GFOD1: variants seen among roughly 807,000 people sequenced by gnomAD.
GFOD1 encodes the protein Gfo/Idh/MocA-like oxidoreductase domain containing 1, also known as glucose-fructose oxidoreductase domain-containing protein 1.
A neutral mutation model predicts 25.4 loss-of-function variants in GFOD1; 9 were observed. The observed-to-expected ratio is 0.35, with a 90% CI of 0.21 to 0.62. GFOD1 has a LOEUF of 0.62. Among genes scored for constraint, GFOD1 ranks in the 20% least tolerant of loss-of-function variants. The pLI, the probability that GFOD1 is intolerant of heterozygous loss-of-function variation, is 0.72. For synonymous variants in GFOD1, 253 were observed against 245.6 expected, an observed-to-expected ratio of 1.03 and a Z score of -0.28; for missense variants, 403 against 556.9, an observed-to-expected ratio of 0.72 and a Z score of 2.78.
At position 13,364,842 on chromosome 6, in the gene GFOD1, C is replaced by T. The variant is rs1785008466; in HGVS notation, c.1074G>A (p.Glu358=). 1 of 1,614,092 alleles carries T rather than the reference C, an allele frequency of 6.2e-7. No individual in the cohort carries two copies. Among genetic ancestry groups the T allele is most frequent in the Non-Finnish European group, 8.5e-7 (1 of 1,180,042 alleles). The change falls in exon 2 of 2, where the codon GAG becomes GAA. Residue 358 remains glutamate (E), a synonymous_variant. Transcript: ENST00000379287. The surrounding 1 kb of genome is among the most constrained non-coding windows in gnomAD (Gnocchi z 4.1). The stretch of plus-strand genomic sequence containing the variant: ...CGGTCATGATGGCAATGTTCTGCCA[C>T]TCGCCCGTCTGGCTGGACCTCTTGA... ...DTIKRSSQTG[E]WQNIAIMTEE...
intron 1 of GFOD1, among the ~76,000 whole-genome samples, chr6:13,433,520 T>A (rs1331375518): frequency 1.3e-5 from 2 of 152,196 alleles, no homozygotes; most frequent in Non-Finnish European, 2.9e-5. Flanking sequence ...GCTCCTCAAT[T>A]GGGACAACCA....
At position 13,361,751 on chromosome 6, in the gene GFOD1, C is replaced by T. The variant is rs893785131; in HGVS notation, c.*2992G>A. ...TCTTTTCTTTCTCTTGTTCCTTCACCTACCTACTACATGCATTTCAGTAGA... is the reference window on the plus strand; with the variant it reads ...TCTTTTCTTTCTCTTGTTCCTTCACTTACCTACTACATGCATTTCAGTAGA... On this transcript the variant is annotated 3_prime_UTR_variant, in exon 2 of 2. Transcript: ENST00000379287. The T allele has an allele frequency of 6.6e-6, 1 of 152,142 alleles. No homozygotes were observed. Among genetic ancestry groups the T allele is most frequent in the Non-Finnish European group, 1.5e-5 (1 of 68,040 alleles). 9.4% of individuals were successfully genotyped at this position (152,142 alleles called of 1,614,324 possible).
At chr6:13,391,655 T>C (rs488885) in intron 1 of GFOD1, among the ~76,000 whole-genome samples, 100,714 of 152,094 alleles carry the variant, frequency 0.66, 34,064 homozygotes, top group South Asian at 0.74. Flanking sequence ...TAGAGAATAT[T>C]GGGAAAGGAT....
chr6:13,477,713 T>C (rs2127578897), intron 1 of GFOD1, among the ~76,000 whole-genome samples: 1 of 152,304 alleles, frequency 6.6e-6, no homozygotes, highest in South Asian at 2.1e-4. Flanking sequence ...ACTGTTTTGC[T>C]ATGGTTATTA....
chr6:13,475,488 T>A (rs1338722059), intron 1 of GFOD1, among the ~76,000 whole-genome samples: 1 of 148,338 alleles, frequency 6.7e-6, no homozygotes, highest in Non-Finnish European at 1.5e-5. Flanking sequence ...GGCAGGCAGA[T>A]CACGAGGTCA....
chr6:13,372,564 G>T (rs1584609379), intron 1 of GFOD1, among the ~76,000 whole-genome samples: 1 of 152,266 alleles, frequency 6.6e-6, no homozygotes, highest in African/African-American at 2.4e-5. Flanking sequence ...TGATCCAAAT[G>T]GTACCCCTGG....
In GFOD1 at chr6:13,439,654, A is replaced by G. The variant is rs115721001; in HGVS notation, c.253+46984T>C. 1.9e-3 allele frequency among the ~76,000 whole-genome samples: 282 copies of G among 152,296 alleles called. 1 individual carries two copies. Among genetic ancestry groups the G allele is most frequent in the African/African-American group, 6.4e-3 (264 of 41,552 alleles). ...ACTATGTCCTGGCAGTGGACTAATC[A>G]CCATGCATGTATTATCTCTTTTAAT... On this transcript the variant is annotated intron_variant, in intron 1 of 1. Coordinates refer to ENST00000379287, the MANE Select transcript of GFOD1 (RefSeq NM_018988.4).
In GFOD1 at chr6:13,487,302, C is replaced by A; in HGVS notation, c.-412G>T. The A allele has an allele frequency of 5.5e-6, 1 of 182,936 alleles. No individual in the cohort carries two copies. The highest frequency in any genetic ancestry group is 1.1e-5 in the Non-Finnish European group (1 of 89,282). 11.3% of individuals were successfully genotyped at this position (182,936 alleles called of 1,614,324 possible). A position where few individuals can be genotyped will look rare whatever the true frequency, so the allele number is the denominator to read the frequency against. On this transcript the variant is annotated 5_prime_UTR_variant, in exon 1 of 2. Coordinates refer to ENST00000379287, the MANE Select transcript of GFOD1 (RefSeq NM_018988.4). This position sits in a 1 kb window ranked among gnomAD's most constrained non-coding sequence, Gnocchi z 4.9. Reference sequence around the variant, plus strand: ...CCGCGCCGCCGCAGCCCGGGACCGGCTCTCTCCCGCGTCGTTTGCGCAGCC... The same window carrying A: ...CCGCGCCGCCGCAGCCCGGGACCGGATCTCTCCCGCGTCGTTTGCGCAGCC...
At chr6:13,383,195 A>C (rs2127559115) in intron 1 of GFOD1, among the ~76,000 whole-genome samples, 2 of 152,342 alleles carry the variant, frequency 1.3e-5, no homozygotes, top group South Asian at 4.1e-4. Flanking sequence ...ACATTTATTA[A>C]GAACCTACTG....
intron 1 of GFOD1, among the ~76,000 whole-genome samples, chr6:13,432,443 T>C (rs1757765890): frequency 6.6e-6 from 1 of 152,028 alleles, no homozygotes; most frequent in Non-Finnish European, 1.5e-5. Flanking sequence ...CCTTGGCTCA[T>C]GCGATCTTCC....
chr6:13,486,259 A>ACCCCCCCCCCCCCC (rs1758867391), intron 1 of GFOD1: 2 of 89,526 alleles, frequency 2.2e-5, no homozygotes, highest in South Asian at 5.0e-4. Flanking sequence ...CCCCCCCCCC[A>ACCCCCCCCCCCCCC]CACACACACA....
chr6:13,459,661 A>T (rs1374666726), intron 1 of GFOD1, among the ~76,000 whole-genome samples: 1 of 152,172 alleles, frequency 6.6e-6, no homozygotes, highest in African/African-American at 2.4e-5. Flanking sequence ...TTATAAGAAA[A>T]AAACAACCCC....
rs140854340 is a variant in GFOD1 at position 13,447,572 on chromosome 6, T to C, written c.253+39066A>G. Among the ~76,000 whole-genome samples, 792 of 151,302 alleles carry C rather than the reference T, an allele frequency of 5.2e-3. 7 individuals are homozygous for C. Among genetic ancestry groups the C allele is most frequent in the African/African-American group, 0.018 (757 of 41,248 alleles). On this transcript the variant is annotated intron_variant, in intron 1 of 1. Transcript: ENST00000379287. ...GGTCAACATGGTGAAACCCCATCTC[T>C]ACTAAAAATACAAAAAAAGCTAGCC...
At chr6:13,389,975 C>A (rs760581847) in intron 1 of GFOD1, among the ~76,000 whole-genome samples, 3 of 151,974 alleles carry the variant, frequency 2.0e-5, no homozygotes, top group African/African-American at 7.2e-5. Context: ...AAGTTCAGCC[C>A]CCCGTGCACA....
chr6:13,398,628 T>C (rs1222867609), intron 1 of GFOD1, among the ~76,000 whole-genome samples: 1 of 152,202 alleles, frequency 6.6e-6, no homozygotes, highest in African/African-American at 2.4e-5. Flanking sequence ...TTTTGATTAA[T>C]GGGCTTTCCT....
intron 1 of GFOD1, among the ~76,000 whole-genome samples, chr6:13,411,956 G>A (rs1467409892): frequency 2.0e-5 from 3 of 152,192 alleles, no homozygotes; most frequent in Non-Finnish European, 2.9e-5. Flanking sequence ...ATTACTCAGC[G>A]TCTTTGTGCC....
chr6:13,396,061 T>C (rs1016225483), intron 1 of GFOD1, among the ~76,000 whole-genome samples: 1 of 152,254 alleles, frequency 6.6e-6, no homozygotes, highest in African/African-American at 2.4e-5. Context: ...GGAACGCATT[T>C]ACATGTTTCA....
chr6:13,465,039 T>G (rs1489622783), intron 1 of GFOD1, among the ~76,000 whole-genome samples: 1 of 152,198 alleles, frequency 6.6e-6, no homozygotes, highest in Non-Finnish European at 1.5e-5. Flanking sequence ...ATATAATTGC[T>G]TCTTCTTCTG....
chr6:13,378,663 G>A (rs2127558035), intron 1 of GFOD1, among the ~76,000 whole-genome samples: 1 of 152,312 alleles, frequency 6.6e-6, no homozygotes, highest in East Asian at 1.9e-4. Flanking sequence ...CCTTCCGCAA[G>A]TGGGCACCTC....
Sources: gnomAD v4.1 joint callset for allele counts (sites outside exome capture counted in the v4.1 genomes callset) on GRCh38, gnomAD v4.1.1 for gene constraint, Gnocchi (gnomAD v3.1) non-coding constraint, MANE v1.5 for transcripts, NCBI Gene and HGNC (gene_info 2026-07-23, HGNC 2026-07-21) for gene names.